Variants in STOX1 observed in about 807,000 individuals in gnomAD.
STOX1 encodes storkhead-box protein 1.
A neutral mutation model predicts 74.8 loss-of-function variants in STOX1; 57 were observed. The ratio of observed to expected loss-of-function variants is 0.76; its 90% CI spans 0.62 to 0.95. The LOEUF (loss-of-function observed/expected upper bound fraction) is 0.95, where lower values mean the gene tolerates loss of function less well. Among genes scored for constraint, STOX1 ranks in the 40% least tolerant of loss-of-function variants. The pLI is 0.00. For synonymous variants in STOX1, 375 were observed against 401.3 expected, an observed-to-expected ratio of 0.93 and a Z score of 0.78; for missense variants, 1,010 against 1,117.0, an observed-to-expected ratio of 0.90 and a Z score of 1.37.
intron 1 of STOX1, among the ~76,000 whole-genome samples, chr10:68,840,914 C>T (rs1015172616): frequency 2.0e-5 from 3 of 149,898 alleles, no homozygotes; most frequent in Non-Finnish European, 4.4e-5. Flanking sequence ...TGTGTGTGTA[C>T]GTGCACACAT....
chr10:68,866,529 G>T (rs532244061), intron 1 of STOX1, among the ~76,000 whole-genome samples: 1 of 152,194 alleles, frequency 6.6e-6, no homozygotes, highest in South Asian at 2.1e-4. Context: ...CAGAAGCTGT[G>T]CTATACACTC....
In STOX1 at chr10:68,847,919, C is replaced by T. The variant is rs544885806; in HGVS notation, c.310+19986C>T. 1.3e-4 allele frequency among the ~76,000 whole-genome samples: 20 copies of T among 152,080 alleles called. No individual in the cohort carries two copies. In the East Asian group the frequency reaches 3.5e-3, roughly 26 times the overall value. On this transcript the variant is annotated intron_variant, in intron 1 of 3. Transcript: ENST00000298596. ...GCTAATTTTGTATTTTTAGTAGAGA[C>T]GGGGTTTCTCCATGTTGGTCAGGCT...
chr10:68,852,449 G>A (rs1277252388), intron 1 of STOX1, among the ~76,000 whole-genome samples: 1 of 151,440 alleles, frequency 6.6e-6, no homozygotes, highest in African/African-American at 2.4e-5. Flanking sequence ...TAGTAGAGAC[G>A]GGGTTTCACC....
At chr10:68,871,995 C>G (rs1025424770) in intron 1 of STOX1, among the ~76,000 whole-genome samples, 1 of 152,124 alleles carries the variant, frequency 6.6e-6, no homozygotes, top group East Asian at 1.9e-4. Context: ...TTACTTTGAA[C>G]AAAACATCCT....
intron 1 of STOX1, among the ~76,000 whole-genome samples, chr10:68,859,903 A>G (rs540953401): frequency 6.6e-6 from 1 of 151,976 alleles, no homozygotes; most frequent in South Asian, 2.1e-4. Context: ...ATGAAAAACC[A>G]TGATCTTTTG....
intron 1 of STOX1, among the ~76,000 whole-genome samples, chr10:68,874,717 T>A (rs1168209585): frequency 6.6e-6 from 1 of 151,602 alleles, no homozygotes; most frequent in African/African-American, 2.4e-5. Context: ...GAGGTCAGGA[T>A]TTAAACAATG....
At chr10:68,850,276 G>A (rs1839951360) in intron 1 of STOX1, among the ~76,000 whole-genome samples, 1 of 152,200 alleles carries the variant, frequency 6.6e-6, no homozygotes, top group Non-Finnish European at 1.5e-5. Flanking sequence ...CCAAAGTGCT[G>A]GGATTACAGG....
chr10:68,835,520 T>TCC (rs1318989504), intron 1 of STOX1, among the ~76,000 whole-genome samples: 2 of 152,126 alleles, frequency 1.3e-5, no homozygotes, highest in African/African-American at 2.4e-5. Context: ...AGATGGAGTC[T>TCC]CCCTGTGTTG....
At chr10:68,833,278 A>G (rs1018320421) in intron 1 of STOX1, among the ~76,000 whole-genome samples, 1 of 151,866 alleles carries the variant, frequency 6.6e-6, no homozygotes, top group Non-Finnish European at 1.5e-5. Flanking sequence ...TAGTAGAGAC[A>G]GGGTTTCTCC....
At position 68,827,635 on chromosome 10, in the gene STOX1, C is replaced by A; in HGVS notation, c.12C>A (p.Pro4=). The A allele has an allele frequency of 1.7e-6, 2 of 1,147,140 alleles. No individual in the cohort carries two copies. Among genetic ancestry groups the A allele is most frequent in the Non-Finnish European group, 2.1e-6 (2 of 933,618 alleles). The allele number at this position is 1,147,140 out of a possible 1,614,324, so 71.1% of individuals were successfully genotyped here. A position where few individuals can be genotyped will look rare whatever the true frequency, so the allele number is the denominator to read the frequency against. Residue 4 remains proline, a synonymous_variant, in exon 1 of 4, where the codon CCC becomes CCA. Coordinates refer to ENST00000298596, the MANE Select transcript of STOX1 (RefSeq NM_152709.5). ...CCGCCGGCGAAAGCATGGCCCGGCC[C>A]GTGCAGCTGGCGCCGGGCTCGCTGG... MAR[P]VQLAPGSLAL... is the part of the protein sequence containing the mutation.
At position 68,885,175 on chromosome 10, in the gene STOX1, C is replaced by T. The variant is rs1191380144; in HGVS notation, c.1379C>T (p.Pro460Leu). 6.2e-7 allele frequency: 1 copy of T among 1,614,118 alleles called. No homozygotes were observed. The highest frequency in any genetic ancestry group is 1.7e-5 in the Admixed American group (1 of 60,022). Residue 460 changes from proline (P) to leucine (L), a missense_variant, in exon 3 of 4, where the codon CCC becomes CTC. Pro to Leu is a moderately conservative substitution (Grantham distance 98, BLOSUM62 -3). Transcript: ENST00000298596. ...EKHPKLPATQ[P>L]IPRIKSPNEM... Reference sequence around the variant, plus strand: ...CACCCCAAGCTCCCTGCTACACAGCCCATCCCCAGAATTAAAAGCCCAAAT... The same window carrying T: ...CACCCCAAGCTCCCTGCTACACAGCTCATCCCCAGAATTAAAAGCCCAAAT...
intron 1 of STOX1, among the ~76,000 whole-genome samples, chr10:68,847,495 C>T (rs1163171): frequency 0.064 from 9,700 of 150,508 alleles, 342 homozygotes; most frequent in Middle Eastern, 0.1. Context: ...TTGCAACCTC[C>T]GCCTCCCAGG....
chr10:68,855,123 AATT>A (rs1840087544), intron 1 of STOX1, among the ~76,000 whole-genome samples: 1 of 88,400 alleles, frequency 1.1e-5, no homozygotes, highest in Non-Finnish European at 2.2e-5. Context: ...CTTAAAAAAA[AATT>A]TTTTTTTTTT....
chr10:68,892,492 T>C, intron 3 of STOX1, 97 bp from the exon 4 acceptor site: 1 of 1,127,600 alleles, frequency 8.9e-7, no homozygotes, highest in Non-Finnish European at 1.3e-6. Context: ...TATTAGTAAA[T>C]GTACTACTTC....
At chr10:68,876,531 T>C (rs952468667) in intron 1 of STOX1, among the ~76,000 whole-genome samples, 5 of 152,168 alleles carry the variant, frequency 3.3e-5, no homozygotes, top group Non-Finnish European at 7.4e-5. Flanking sequence ...ACAACAAACC[T>C]TTTCAGAAAG....
In STOX1 at chr10:68,885,829, T is replaced by C. The variant is rs376647217; in HGVS notation, c.2033T>C (p.Val678Ala). ...GGCCTTTTGGATTACCCAGTTGGCG[T>C]GAACCCTTTAAGACAAGCTGCAAGA... ...NLGLLDYPVGVNPLRQAARQD... is the reference protein window; with the variant it reads ...NLGLLDYPVGANPLRQAARQD... The change falls in exon 3 of 4, where the codon GTG becomes GCG. Residue 678 changes from valine (V) to alanine (A), a missense_variant. Coordinates refer to ENST00000298596, the MANE Select transcript of STOX1 (RefSeq NM_152709.5). 1.5e-5 allele frequency: 25 copies of C among 1,613,882 alleles called. No homozygotes were observed. In the African/African-American group the frequency reaches 2.7e-4, roughly 17 times the overall value.
chr10:68,892,687 C>T lies in STOX1; in HGVS notation c.2921C>T (p.Pro974Leu), dbSNP rs1319853965. ...QNVEGTKSSQ[P>L]LTSNSLLPLT... ...GTCGAAGGCACAAAGAGCAGTCAAC[C>T]ACTCACATCTAATTCCTTACTACCG... The change falls in exon 4 of 4, where the codon CCA becomes CTA. Residue 974 changes from proline to leucine, a missense_variant. By Grantham distance (98) the Pro-to-Leu change is moderately conservative. Coordinates refer to ENST00000298596, the MANE Select transcript of STOX1 (RefSeq NM_152709.5). 3 of 1,613,830 alleles carry T rather than the reference C, an allele frequency of 1.9e-6. No homozygotes were observed.
intron 3 of STOX1, among the ~76,000 whole-genome samples, chr10:68,890,649 C>A (rs376081882): frequency 8.5e-6 from 1 of 117,370 alleles, no homozygotes; most frequent in Non-Finnish European, 1.7e-5. Flanking sequence ...AAGACCTTTT[C>A]TTTTTTTTTT....
chr10:68,855,124 A>AGTCTTT (rs1840087658), intron 1 of STOX1, among the ~76,000 whole-genome samples: 1 of 136,532 alleles, frequency 7.3e-6, no homozygotes, highest in Non-Finnish European at 1.6e-5. Context: ...TTAAAAAAAA[A>AGTCTTT]TTTTTTTTTT....
Sources: allele counts gnomAD v4.1 joint callset (sites outside exome capture counted in the v4.1 genomes callset), GRCh38; gene constraint gnomAD v4.1.1; transcripts MANE v1.5; gene names NCBI Gene and HGNC (gene_info 2026-07-23, HGNC 2026-07-21).